The following AGBL1 variants were observed in gnomAD, a reference collection of about 807,000 sequenced individuals.
AGBL1 encodes the protein cytosolic carboxypeptidase 4.
Under a neutral mutation model 118.9 loss-of-function variants are expected in AGBL1, and 130 were observed. The ratio of observed to expected loss-of-function variants is 1.09; its 90% CI spans 0.95 to 1.26. The LOEUF is 1.26. Among genes scored for constraint, AGBL1 ranks in the 50% most tolerant of loss-of-function variants. AGBL1 has a pLI of 0.00. For synonymous variants in AGBL1, 555 were observed against 478.9 expected (o/e 1.16, Z -2.08); for missense variants, 1,584 against 1,298.1 (o/e 1.22, Z -3.38).
chr15:86,934,059 C>A (rs2080636736), intron 23 of AGBL1, among the ~76,000 whole-genome samples: 1 of 152,318 alleles, frequency 6.6e-6, no homozygotes, highest in African/African-American at 2.4e-5. Flanking sequence ...ATAAAATCAT[C>A]AGAGAGCACT....
At chr15:86,151,354 G>A (rs1258598052) in intron 3 of AGBL1, among the ~76,000 whole-genome samples, 1 of 149,240 alleles carries the variant, frequency 6.7e-6, no homozygotes, top group Non-Finnish European at 1.5e-5. Flanking sequence ...TTCATCCCTG[G>A]GATGCAAGGC....
chr15:86,262,078 C>CTTTTGTTTTTTTTTTTTTT (rs2078997356), intron 9 of AGBL1, among the ~76,000 whole-genome samples: 2 of 52,768 alleles, frequency 3.8e-5, no homozygotes, highest in Non-Finnish European at 7.1e-5. Flanking sequence ...GCATAGCTGG[C>CTTTTGTTTTTTTTTTTTTT]TTTTTTTTTT....
intron 17 of AGBL1, among the ~76,000 whole-genome samples, chr15:86,304,590 C>T (rs2079808241): frequency 6.6e-6 from 1 of 152,156 alleles, no homozygotes; most frequent in African/African-American, 2.4e-5. Flanking sequence ...GTTTATTCAA[C>T]AAGTAAGTGA....
At chr15:86,351,092 TGCTAG>T (rs1466560261) in intron 17 of AGBL1, among the ~76,000 whole-genome samples, 1 of 152,220 alleles carries the variant, frequency 6.6e-6, no homozygotes, top group African/African-American at 2.4e-5. Flanking sequence ...TGTTTTGTGC[TGCTAG>T]GCTAGGTAAT....
intron 22 of AGBL1, among the ~76,000 whole-genome samples, chr15:86,793,575 A>G (rs2078527574): frequency 6.6e-6 from 1 of 152,230 alleles, no homozygotes; most frequent in Non-Finnish European, 1.5e-5. Flanking sequence ...TTTTTAAAAT[A>G]TGATAGCAGA....
chr15:86,594,879 G>A (rs1249949975), intron 21 of AGBL1, among the ~76,000 whole-genome samples: 4 of 152,072 alleles, frequency 2.6e-5, no homozygotes, highest in Admixed American at 2.6e-4. Flanking sequence ...AGGCCTTTAT[G>A]CCTACTTGAA....
intron 22 of AGBL1, among the ~76,000 whole-genome samples, chr15:86,786,813 C>T (rs2078418738): frequency 1.3e-5 from 2 of 152,184 alleles, no homozygotes; most frequent in Admixed American, 1.3e-4. Context: ...AGAATTTATG[C>T]ATGTGTTATT....
At chr15:86,313,278 A>G (rs1267786915) in intron 17 of AGBL1, among the ~76,000 whole-genome samples, 1 of 152,154 alleles carries the variant, frequency 6.6e-6, no homozygotes, top group Non-Finnish European at 1.5e-5. Flanking sequence ...TAGGTATATA[A>G]TGTAGTCTTG....
chr15:86,589,950 C>T (rs1397764662), intron 21 of AGBL1, among the ~76,000 whole-genome samples: 2 of 152,062 alleles, frequency 1.3e-5, no homozygotes, highest in African/African-American at 2.4e-5. Flanking sequence ...TATTCTCTTA[C>T]ATATGTAGGG....
rs1380982279 is a variant in AGBL1, at chr15:86,364,985, A to G, written c.2375-32381A>G. 2.5e-4 allele frequency among the ~76,000 whole-genome samples: 21 copies of G among 84,546 alleles called. 1 individual carries two copies. In the East Asian group the frequency reaches 4.6e-3, roughly 19 times the overall value. The allele number at this position is 84,546 out of a possible 152,430, so 55.5% of individuals were successfully genotyped here. A position where few individuals can be genotyped will look rare whatever the true frequency, so the allele number is the denominator to read the frequency against. ...TATATATATATATATATATATATAT[A>G]TATACACACACACATATATATATAC... On this transcript the variant is annotated intron_variant, in intron 17 of 22. Coordinates refer to ENST00000614907, the MANE Select transcript of AGBL1 (RefSeq NM_001386094.1).
At chr15:86,741,412 A>AAAAAAAAAAAAAAAAAAAC (rs2077677517) in intron 22 of AGBL1, among the ~76,000 whole-genome samples, 1 of 124,344 alleles carries the variant, frequency 8.0e-6, no homozygotes. Flanking sequence ...AAAAAAAAAA[A>AAAAAAAAAAAAAAAAAAAC]AAAAAAAAAG....
In AGBL1 at chr15:86,568,957, C is replaced by T. The variant is rs551316571; in HGVS notation, c.2994+14420C>T. ...TTTAAAAGTTGAAAATAAATAATTC[C>T]TAGTATGAGATACTTTGTTGATCTA... On this transcript the variant is annotated intron_variant, in intron 21 of 22. Transcript: ENST00000614907. 7.3e-5 allele frequency among the ~76,000 whole-genome samples: 11 copies of T among 151,552 alleles called. No individual in the cohort carries two copies. The South Asian group carries it at 2.3e-3, about 32-fold the overall frequency.
rs1199158958 is a variant in AGBL1, at chr15:86,912,047, C to G, written c.*4753C>G. 2.6e-5 allele frequency: 4 copies of G among 152,206 alleles called. No homozygotes were observed. Among genetic ancestry groups the G allele is most frequent in the African/African-American group, 9.7e-5 (4 of 41,434 alleles). The allele number at this position is 152,206 out of a possible 1,614,324, so 9.4% of individuals were successfully genotyped here. A position where few individuals can be genotyped will look rare whatever the true frequency, so the allele number is the denominator to read the frequency against. On this transcript the variant is annotated 3_prime_UTR_variant, in exon 23 of 23. Coordinates refer to ENST00000614907, the MANE Select transcript of AGBL1 (RefSeq NM_001386094.1). ...CAAAAATGTGTCTTCCCCTCAGCTTCAAACTCAGACATCCAATGTTTCAAT... is the reference window on the plus strand; with the variant it reads ...CAAAAATGTGTCTTCCCCTCAGCTTGAAACTCAGACATCCAATGTTTCAAT...
At chr15:86,825,048 C>A (rs927881557) in intron 22 of AGBL1, among the ~76,000 whole-genome samples, 3 of 151,970 alleles carry the variant, frequency 2.0e-5, no homozygotes, top group Non-Finnish European at 4.4e-5. Flanking sequence ...CAGAGTGAGA[C>A]TCTGTCTCAA....
intron 16 of AGBL1, among the ~76,000 whole-genome samples, chr15:86,283,985 G>A (rs984822310): frequency 4.6e-5 from 7 of 151,484 alleles, no homozygotes; most frequent in Admixed American, 3.3e-4. Context: ...CTGTAAAATT[G>A]GAAACAAAAA....
intron 17 of AGBL1, among the ~76,000 whole-genome samples, chr15:86,341,926 C>T (rs535510484): frequency 6.6e-6 from 1 of 152,056 alleles, no homozygotes; most frequent in African/African-American, 2.4e-5. Flanking sequence ...GCTAGTCCTT[C>T]CAGAGTGAAT....
intron 17 of AGBL1, among the ~76,000 whole-genome samples, chr15:86,394,860 A>G (rs373537947): frequency 4.6e-5 from 7 of 152,290 alleles, no homozygotes; most frequent in African/African-American, 1.7e-4. Context: ...CTTAAATGTC[A>G]CTGGACACAA....
At chr15:86,725,659 G>T (rs1255978621) in intron 22 of AGBL1, among the ~76,000 whole-genome samples, 1 of 152,174 alleles carries the variant, frequency 6.6e-6, no homozygotes, top group Non-Finnish European at 1.5e-5. Flanking sequence ...TGTAAAGTAG[G>T]GTTTCTTTCT....
At chr15:86,564,085 A>G (rs1273785900) in intron 21 of AGBL1, among the ~76,000 whole-genome samples, 2 of 152,182 alleles carry the variant, frequency 1.3e-5, no homozygotes, top group African/African-American at 2.4e-5. Flanking sequence ...TCTTTATCCA[A>G]TTTGCCAGTC....
Sources: gnomAD v4.1 joint callset for allele counts (sites outside exome capture counted in the v4.1 genomes callset) on GRCh38, gnomAD v4.1.1 for gene constraint, MANE v1.5 for transcripts, NCBI Gene and HGNC (gene_info 2026-07-23, HGNC 2026-07-21) for gene names.